Variants in ADAMTS17 observed in about 807,000 individuals in gnomAD.
ADAMTS17 encodes ADAM metallopeptidase with thrombospondin type 1 motif 17, also known as A disintegrin and metalloproteinase with thrombospondin motifs 17.
ADAMTS17 carries 113 observed loss-of-function variants against 141.5 expected under a neutral mutation model. The observed-to-expected ratio is 0.80, with a 90% CI of 0.69 to 0.93. The LOEUF (loss-of-function observed/expected upper bound fraction) is 0.93, where lower values mean the gene tolerates loss of function less well. Among genes scored for constraint, ADAMTS17 ranks in the 40% least tolerant of loss-of-function variants. The pLI, the probability that ADAMTS17 is intolerant of heterozygous loss-of-function variation, is 0.00. For missense variants in ADAMTS17, 1,659 were observed against 1,517.9 expected, an observed-to-expected ratio of 1.09 and a Z score of -1.54; for synonymous variants, 768 against 630.6, an observed-to-expected ratio of 1.22 and a Z score of -3.27.
chr15:99,992,539 C>T (rs1339609017), intron 20 of ADAMTS17, among the ~76,000 whole-genome samples: 1 of 152,144 alleles, frequency 6.6e-6, no homozygotes, highest in Non-Finnish European at 1.5e-5. Context: ...ATTCAGTGGC[C>T]CTTTATTCAC....
At chr15:100,000,780 T>A (rs376554921) in intron 18 of ADAMTS17, among the ~76,000 whole-genome samples, 1 of 152,362 alleles carries the variant, frequency 6.6e-6, no homozygotes, top group Non-Finnish European at 1.5e-5. Flanking sequence ...CCCAAAGTGC[T>A]GGGATTACAG....
chr15:100,182,825 G>A (rs568857515), intron 8 of ADAMTS17, among the ~76,000 whole-genome samples: 2 of 152,230 alleles, frequency 1.3e-5, no homozygotes, highest in Admixed American at 6.5e-5. Flanking sequence ...TAGTTTTGAT[G>A]TGCCTTAGTG....
intron 8 of ADAMTS17, among the ~76,000 whole-genome samples, chr15:100,197,583 T>C (rs2041167920): frequency 6.6e-6 from 1 of 152,200 alleles, no homozygotes; most frequent in Non-Finnish European, 1.5e-5. Context: ...TTGTCGCCAG[T>C]ATTTTTAAAA....
intron 18 of ADAMTS17, among the ~76,000 whole-genome samples, chr15:100,045,905 G>A (rs1386969452): frequency 6.6e-6 from 1 of 152,074 alleles, no homozygotes; most frequent in African/African-American, 2.4e-5. Context: ...TTTTGAGATG[G>A]AGTCTCACTC....
intron 10 of ADAMTS17, among the ~76,000 whole-genome samples, chr15:100,145,368 T>C (rs1352218198): frequency 6.6e-6 from 1 of 152,228 alleles, no homozygotes; most frequent in African/African-American, 2.4e-5. Flanking sequence ...CTAAAACTCC[T>C]GACTATGAAT....
rs562715693 is a variant in ADAMTS17, at chr15:100,264,902, C to A, written c.790-2467G>T. Among the ~76,000 whole-genome samples, 8 of 152,138 alleles carry A rather than the reference C, an allele frequency of 5.3e-5. No individual in the cohort carries two copies. In the East Asian group the frequency reaches 1.5e-3, roughly 29 times the overall value. On this transcript the variant is annotated intron_variant, in intron 4 of 21. Transcript: ENST00000268070. ...TGTAGAGATTGATTGCACAGCAATG[C>A]GAACCTAAGAATACCGAACCACACA...
chr15:100,273,667 T>C (rs78096814), intron 4 of ADAMTS17, among the ~76,000 whole-genome samples: 3,187 of 152,316 alleles, frequency 0.021, 113 homozygotes, highest in African/African-American at 0.073. Flanking sequence ...CTATTGTTTT[T>C]CTGTCCTTTT....
At chr15:100,096,020 G>A (rs1210785136) in intron 15 of ADAMTS17, among the ~76,000 whole-genome samples, 2 of 152,194 alleles carry the variant, frequency 1.3e-5, no homozygotes, top group Non-Finnish European at 2.9e-5. Flanking sequence ...TGATTTGGCA[G>A]GTGTCTCTCC....
At chr15:99,977,701 C>T (rs1038467464) in intron 20 of ADAMTS17, among the ~76,000 whole-genome samples, 3 of 151,902 alleles carry the variant, frequency 2.0e-5, no homozygotes, top group African/African-American at 7.3e-5. Context: ...CAGGAGTGAG[C>T]CACCGTGCCT....
intron 18 of ADAMTS17, among the ~76,000 whole-genome samples, chr15:100,027,715 A>C (rs1596259915): frequency 6.6e-6 from 1 of 152,240 alleles, no homozygotes; most frequent in Non-Finnish European, 1.5e-5. Flanking sequence ...TTCCTCAAGA[A>C]GGGCTCATGG....
chr15:100,278,963 G>C (rs960850173), intron 4 of ADAMTS17, among the ~76,000 whole-genome samples: 5 of 152,146 alleles, frequency 3.3e-5, no homozygotes, highest in African/African-American at 1.2e-4. Flanking sequence ...CACAAGGGGA[G>C]AATCAGTCCT....
chr15:100,201,133 C>T (rs971478530), intron 7 of ADAMTS17, among the ~76,000 whole-genome samples: 2 of 152,214 alleles, frequency 1.3e-5, no homozygotes, highest in African/African-American at 4.8e-5. Flanking sequence ...TTCAGCCATA[C>T]ACAGGGTGGT....
Position 99,974,486 on chromosome 15 carries a change from C to T in ADAMTS17, c.3204G>A (p.Gln1068=). 1.2e-6 allele frequency: 2 copies of T among 1,614,246 alleles called. No individual in the cohort carries two copies. The highest frequency in any genetic ancestry group is 1.7e-6 in the Non-Finnish European group (2 of 1,180,048). The stretch of plus-strand genomic sequence containing the variant: ...AGCAGCGCTGGTACCACCGCATGTC[C>T]TGGCAGAGGTTCTTTTCTCGGATGA... ...CRVIREKNLC[Q]DMRWYQRCCQ... The change falls in exon 22 of 22, where the codon CAG becomes CAA. Residue 1068 remains glutamine, a synonymous_variant. Transcript: ENST00000268070.
chr15:100,227,122 T>C (rs1596318626), intron 7 of ADAMTS17, among the ~76,000 whole-genome samples: 1 of 152,286 alleles, frequency 6.6e-6, no homozygotes, highest in Non-Finnish European at 1.5e-5. Flanking sequence ...TGAGCACTGA[T>C]GAACCCCGAG....
At chr15:100,068,076 T>C (rs1162399860) in intron 15 of ADAMTS17, among the ~76,000 whole-genome samples, 2 of 151,628 alleles carry the variant, frequency 1.3e-5, no homozygotes, top group African/African-American at 2.4e-5. Flanking sequence ...TTTCCAACGG[T>C]CTTAGCAAAC....
chr15:100,185,566 G>A (rs1449590886), intron 8 of ADAMTS17, among the ~76,000 whole-genome samples: 1 of 152,198 alleles, frequency 6.6e-6, no homozygotes, highest in Non-Finnish European at 1.5e-5. Context: ...TCGCCAGTGT[G>A]AGAAAATCAA....
intron 7 of ADAMTS17, among the ~76,000 whole-genome samples, chr15:100,235,834 A>C (rs182173419): frequency 6.6e-6 from 1 of 152,268 alleles, no homozygotes; most frequent in East Asian, 1.9e-4. Flanking sequence ...TATTACCTTC[A>C]ATCCACAGAT....
At chr15:100,341,789 G>C (rs189240104) in intron 1 of ADAMTS17, 32 bp downstream of exon 1, 1 of 1,544,810 alleles carries the variant, frequency 6.5e-7, no homozygotes, top group Non-Finnish European at 8.7e-7. Flanking sequence ...CGCAGGACGC[G>C]GGGTGAAGAG....
chr15:100,314,552 G>T (rs2045502606), intron 3 of ADAMTS17, among the ~76,000 whole-genome samples: 1 of 152,166 alleles, frequency 6.6e-6, no homozygotes, highest in South Asian at 2.1e-4. Context: ...GTGAATTCGG[G>T]TGACAGATAT....
Sources: allele counts gnomAD v4.1 joint callset (sites outside exome capture counted in the v4.1 genomes callset), GRCh38; gene constraint gnomAD v4.1.1; transcripts MANE v1.5; gene names NCBI Gene and HGNC (gene_info 2026-07-23, HGNC 2026-07-21).